The following IL17RA variants were observed in gnomAD, a reference collection of about 807,000 sequenced individuals.
IL17RA encodes the protein interleukin 17 receptor A, also known as interleukin-17 receptor A.
In IL17RA, 34 loss-of-function variants were observed where a neutral mutation model predicts 50.4. That is an observed-to-expected ratio of 0.67 (90% CI 0.51 to 0.90). IL17RA has a LOEUF of 0.90. IL17RA is among the 40% of genes least tolerant of loss of function. The probability of loss-of-function intolerance (pLI) is 0.00; values close to 1 mark genes in which losing one functional copy is unlikely to be tolerated. For missense variants in IL17RA, 1,276 were observed against 1,169.8 expected (o/e 1.09, Z -1.32); for synonymous variants, 585 against 510.4 (o/e 1.15, Z -1.97).
At chr22:17,085,327 G>T in intron 1 of IL17RA, 98 bp downstream of exon 1, 1 of 1,506,088 alleles carries the variant, frequency 6.6e-7, no homozygotes, top group South Asian at 1.2e-5. Flanking sequence ...CCCGGGCTGG[G>T]GAGGCAGGAA....
In IL17RA at chr22:17,108,603, G is replaced by C. The variant is rs763832736; in HGVS notation, c.1384G>C (p.Gly462Arg). 3.7e-6 allele frequency: 6 copies of C among 1,604,664 alleles called. No homozygotes were observed. The highest frequency in any genetic ancestry group is 4.2e-6 in the Non-Finnish European group (5 of 1,179,586). The stretch of plus-strand genomic sequence containing the variant: ...CAAGTGGCAGGCGCTCCTGGGCCGG[G>C]GGGCGCCTGTGCGGCTGCGCTGCGA... The part of the protein sequence containing the change: ...RAKWQALLGR[G>R]APVRLRCDHG... Residue 462 changes from glycine to arginine, a missense_variant, in exon 13 of 13, where the codon GGG becomes CGG. Physicochemically the swap from Gly to Arg is moderately radical, Grantham distance 125. Coordinates refer to ENST00000319363, the MANE Select transcript of IL17RA (RefSeq NM_014339.7).
At position 17,097,951 on chromosome 22, in the gene IL17RA, G is replaced by A; in HGVS notation, c.310+8G>A. ...GGACACTGCAGACAGACGGTGAGTGGGCATGCCAGCAGGGCCCTGGGGGAT... is the reference window on the plus strand; with the variant it reads ...GGACACTGCAGACAGACGGTGAGTGAGCATGCCAGCAGGGCCCTGGGGGAT... On this transcript the variant is annotated splice_region_variant and intron_variant, in intron 3 of 12. Transcript: ENST00000319363. The A allele has an allele frequency of 6.2e-7, 1 of 1,613,832 alleles. No individual in the cohort carries two copies. Among genetic ancestry groups the A allele is most frequent in the Non-Finnish European group, 8.5e-7 (1 of 1,180,036 alleles).
At chr22:17,107,856 C>A in intron 12 of IL17RA, 88 bp downstream of exon 12, 2 of 1,188,372 alleles carry the variant, frequency 1.7e-6, no homozygotes, top group Non-Finnish European at 2.5e-6. Flanking sequence ...CTCCTGTGCT[C>A]TAACTCCCAA....
intron 5 of IL17RA, 73 bp from the exon 6 acceptor site, chr22:17,101,923 G>T: frequency 6.4e-7 from 1 of 1,568,426 alleles, no homozygotes; most frequent in Non-Finnish European, 8.8e-7. Flanking sequence ...TGTTGTTCTT[G>T]GTGTCAGGAG....
At chr22:17,100,541 G>GGT in intron 5 of IL17RA, 60 bp downstream of exon 5, 2 of 1,600,454 alleles carry the variant, frequency 1.2e-6, no homozygotes, top group Non-Finnish European at 1.7e-6. Context: ...GGAAGCACCA[G>GGT]GTGGCACAGA....
chr22:17,090,557 G>T (rs950125475), intron 1 of IL17RA, among the ~76,000 whole-genome samples: 2 of 152,108 alleles, frequency 1.3e-5, no homozygotes, highest in Non-Finnish European at 2.9e-5. Flanking sequence ...CCCCAAATAT[G>T]ATTCCTTTAG....
At chr22:17,103,626 T>TTA (rs1280172104) in intron 8 of IL17RA, 49 bp downstream of exon 8, 1 of 1,423,212 alleles carries the variant, frequency 7.0e-7, no homozygotes, top group Admixed American at 1.8e-5. Context: ...CAGGTGGCAA[T>TTA]TATAGAGTGG....
At chr22:17,086,563 A>G (rs1157737767) in intron 1 of IL17RA, among the ~76,000 whole-genome samples, 1 of 152,112 alleles carries the variant, frequency 6.6e-6, no homozygotes. Context: ...ACAGGGCGCC[A>G]TACTGGGAAC....
Position 17,103,480 on chromosome 22 carries a change from G to A in IL17RA, c.763-14G>A, listed in dbSNP as rs1451131019. On this transcript the variant is annotated splice_polypyrimidine_tract_variant and intron_variant, in intron 7 of 12. Transcript: ENST00000319363. ...ATCCCAACTAGCCTTACCCATCCTC[G>A]CCTCTCTCCTCAGCCCAGACCAGAA... 3.7e-6 allele frequency: 6 copies of A among 1,611,406 alleles called. No homozygotes were observed. The East Asian group carries it at 6.7e-5, about 18-fold the overall frequency.
chr22:17,100,992 G>A (rs536152532), intron 5 of IL17RA, among the ~76,000 whole-genome samples: 6 of 152,230 alleles, frequency 3.9e-5, no homozygotes, highest in African/African-American at 1.4e-4. Flanking sequence ...GGCATCCTTT[G>A]ATGTACATGT....
At chr22:17,096,902 G>A (rs2061370401) in intron 1 of IL17RA, among the ~76,000 whole-genome samples, 160 bp from the exon 2 acceptor site, 1 of 148,204 alleles carries the variant, frequency 6.7e-6, no homozygotes, top group Non-Finnish European at 1.5e-5. Context: ...CATTCCCTTT[G>A]CCATCCCCTG....
At chr22:17,090,152 A>T (rs1489598407) in intron 1 of IL17RA, among the ~76,000 whole-genome samples, 1 of 152,136 alleles carries the variant, frequency 6.6e-6, no homozygotes, top group Non-Finnish European at 1.5e-5. Flanking sequence ...CCTCCCGAGT[A>T]GCTGGGACTA....
In IL17RA at chr22:17,111,085, G is replaced by C. The variant is rs938258661; in HGVS notation, c.*1265G>C. On this transcript the variant is annotated 3_prime_UTR_variant, in exon 13 of 13. Transcript: ENST00000319363. ...AGTGAGAGAGATCGGGGTGGGGGGTGGGGGGATGTCGCCAGAGCTCAGGGG... is the reference window on the plus strand; with the variant it reads ...AGTGAGAGAGATCGGGGTGGGGGGTCGGGGGATGTCGCCAGAGCTCAGGGG... 7.9e-6 allele frequency: 1 copy of C among 126,216 alleles called. No individual in the cohort carries two copies. Among genetic ancestry groups the C allele is most frequent in the African/African-American group, 3.0e-5 (1 of 33,626 alleles). 7.8% of individuals were successfully genotyped at this position (126,216 alleles called of 1,614,324 possible). A position where few individuals can be genotyped will look rare whatever the true frequency, so the allele number is the denominator to read the frequency against.
rs1344275154 is a variant in IL17RA at position 17,094,652 on chromosome 22, ACACACTCTCTCTCTCTCTCT to A, written c.139-2408_139-2389del. Reference sequence around the variant, plus strand: ...TGTTTCTATTCTCATTTAGTCATACACACACTCTCTCTCTCTCTCTCTCTCTCTCTCTCTCTCTCTATATA... The same window carrying A: ...TGTTTCTATTCTCATTTAGTCATACACTCTCTCTCTCTCTCTCTCTATATA... On this transcript the variant is annotated intron_variant, in intron 1 of 12. Coordinates refer to ENST00000319363, the MANE Select transcript of IL17RA (RefSeq NM_014339.7). Among the ~76,000 whole-genome samples, 90 of 17,646 alleles carry A rather than the reference ACACACTCTCTCTCTCTCTCT, an allele frequency of 5.1e-3. 4 individuals carry two copies. The highest frequency in any genetic ancestry group is 9.3e-3 in the African/African-American group (24 of 2,574). 11.6% of individuals were successfully genotyped at this position (17,646 alleles called of 152,430 possible).
intron 1 of IL17RA, among the ~76,000 whole-genome samples, chr22:17,086,164 C>A (rs1372112379): frequency 6.6e-6 from 1 of 152,084 alleles, no homozygotes; most frequent in Non-Finnish European, 1.5e-5. Context: ...AGCAAAACGC[C>A]GTGCCCCTCC....
At chr22:17,085,546 G>C (rs1452546693) in intron 1 of IL17RA, among the ~76,000 whole-genome samples, 5 of 152,232 alleles carry the variant, frequency 3.3e-5, no homozygotes, top group African/African-American at 1.2e-4. Flanking sequence ...CGGGGAAGGA[G>C]GGCGCGGCGC....
chr22:17,094,379 CTTTGAG>C (rs1290239205), intron 1 of IL17RA, among the ~76,000 whole-genome samples: 3 of 151,504 alleles, frequency 2.0e-5, no homozygotes, highest in Non-Finnish European at 4.4e-5. Context: ...GAGTTTGGCT[CTTTGAG>C]TTTGAGAATT....
Position 17,109,574 on chromosome 22 carries a change from G to T in IL17RA, c.2355G>T (p.Glu785Asp). ...LTDPHTPYEEEQRQSVQSDQG... is the reference protein window; with the variant it reads ...LTDPHTPYEEDQRQSVQSDQG... ...ACCCACACACGCCCTACGAGGAGGA[G>T]CAGCGGCAGTCAGTGCAGTCTGACC... is the stretch of plus-strand genomic sequence containing the variant. Residue 785 changes from glutamate to aspartate, a missense_variant, in exon 13 of 13, where the codon GAG becomes GAT. By Grantham distance (45) the Glu-to-Asp change is conservative. Coordinates refer to ENST00000319363, the MANE Select transcript of IL17RA (RefSeq NM_014339.7). 1 of 1,600,710 alleles carries T rather than the reference G, an allele frequency of 6.2e-7. No homozygotes were observed. Among genetic ancestry groups the T allele is most frequent in the Non-Finnish European group, 8.5e-7 (1 of 1,173,746 alleles).
In IL17RA at chr22:17,108,658, C is replaced by T. The variant is rs1173829580; in HGVS notation, c.1439C>T (p.Thr480Ile). ...GGAAAGCCCGTGGGGGACCTGTTCA[C>T]TGCAGCCATGAACATGATCCTCCCG... ...DHGKPVGDLFTAAMNMILPDF... is the reference protein window; with the variant it reads ...DHGKPVGDLFIAAMNMILPDF... Residue 480 changes from threonine to isoleucine, a missense_variant, in exon 13 of 13, where the codon ACT (threonine) becomes ATT (isoleucine). Thr to Ile is a moderately conservative substitution (Grantham distance 89, BLOSUM62 -1). Transcript: ENST00000319363. 2 of 1,607,486 alleles carry T rather than the reference C, an allele frequency of 1.2e-6. No individual in the cohort carries two copies. The highest frequency in any genetic ancestry group is 8.5e-7 in the Non-Finnish European group (1 of 1,179,794).
Sources: gnomAD v4.1 joint callset for allele counts (sites outside exome capture counted in the v4.1 genomes callset) on GRCh38, gnomAD v4.1.1 for gene constraint, MANE v1.5 for transcripts, NCBI Gene and HGNC (gene_info 2026-07-23, HGNC 2026-07-21) for gene names.